The following PCDHAC2 variants were observed in gnomAD, a reference collection of about 807,000 sequenced individuals.
PCDHAC2 encodes the protein protocadherin alpha subfamily C, 2, also known as protocadherin alpha-C2.
A neutral mutation model predicts 63.3 loss-of-function variants in PCDHAC2; 24 were observed. The observed-to-expected ratio is 0.38, with a 90% CI of 0.27 to 0.53. The LOEUF is 0.53. Among genes scored for constraint, PCDHAC2 ranks in the 20% least tolerant of loss-of-function variants. PCDHAC2 has a pLI of 0.81. For missense variants in PCDHAC2, 1,181 were observed against 1,275.2 expected (o/e 0.93, Z 1.12); for synonymous variants, 569 against 529.4 (o/e 1.07, Z -1.03).
chr5:140,987,523 T>C (rs942927324), intron 3 of PCDHAC2, among the ~76,000 whole-genome samples: 1 of 152,174 alleles, frequency 6.6e-6, no homozygotes, highest in Non-Finnish European at 1.5e-5. Context: ...AGTAATTGTA[T>C]GTTCCTGGGA....
chr5:140,990,852 A>T (rs1265916406), intron 3 of PCDHAC2, among the ~76,000 whole-genome samples: 2 of 152,198 alleles, frequency 1.3e-5, no homozygotes, highest in Non-Finnish European at 1.5e-5. Context: ...TAGAGCCCTG[A>T]GGACATTGTA....
intron 3 of PCDHAC2, among the ~76,000 whole-genome samples, chr5:141,000,419 ATATTTTT>A (rs1397100244): frequency 3.9e-4 from 24 of 60,984 alleles, no homozygotes; most frequent in African/African-American, 1.8e-3. Flanking sequence ...ATATATATAT[ATATTTTT>A]TTTTTTTTTT....
intron 3 of PCDHAC2, among the ~76,000 whole-genome samples, chr5:141,009,288 C>G (rs373954362): frequency 6.6e-6 from 1 of 152,068 alleles, no homozygotes; most frequent in African/African-American, 2.4e-5. Flanking sequence ...GATCCCATTT[C>G]TATAAAATTT....
chr5:140,981,744 G>C (rs1586900543), intron 2 of PCDHAC2, among the ~76,000 whole-genome samples: 1 of 151,900 alleles, frequency 6.6e-6, no homozygotes, highest in Admixed American at 6.6e-5. Context: ...ATTAATATGA[G>C]TTAGTATTAG....
intron 3 of PCDHAC2, among the ~76,000 whole-genome samples, chr5:140,989,486 A>G (rs1563557204): frequency 6.6e-6 from 1 of 152,190 alleles, no homozygotes; most frequent in African/African-American, 2.4e-5. Context: ...AGGTGCTTGA[A>G]CAAGAAAGAC....
Position 140,966,644 on chromosome 5 carries a change from G to A in PCDHAC2, c.-123G>A. 1 of 1,127,128 alleles carries A rather than the reference G, an allele frequency of 8.9e-7. No individual in the cohort carries two copies. Among genetic ancestry groups the A allele is most frequent in the Non-Finnish European group, 1.2e-6 (1 of 853,950 alleles). The allele number at this position is 1,127,128 out of a possible 1,614,324, so 69.8% of individuals were successfully genotyped here. On this transcript the variant is annotated 5_prime_UTR_variant, in exon 1 of 4. Transcript: ENST00000289269. The stretch of plus-strand genomic sequence containing the variant: ...GGAGCGGCCCCAGGCGCTTTCTAGA[G>A]CGTGAGCGGTGGGGGAGCAGGCGCA...
intron 1 of PCDHAC2, among the ~76,000 whole-genome samples, chr5:140,970,086 G>T (rs1263388270): frequency 6.6e-6 from 1 of 152,102 alleles, no homozygotes; most frequent in Non-Finnish European, 1.5e-5. Flanking sequence ...TTAGGGGTGT[G>T]GGGGGATGGT....
intron 3 of PCDHAC2, among the ~76,000 whole-genome samples, chr5:141,004,084 T>C (rs2098151963): frequency 6.6e-6 from 1 of 152,234 alleles, no homozygotes; most frequent in Non-Finnish European, 1.5e-5. Context: ...GGTAGAAATG[T>C]GCTTCTTCCG....
At position 140,966,808 on chromosome 5, in the gene PCDHAC2, A is replaced by G. The variant is rs782040625; in HGVS notation, c.42A>G (p.Pro14=). The G allele has an allele frequency of 3.2e-6, 5 of 1,548,024 alleles. No homozygotes were observed. The highest frequency in any genetic ancestry group is 4.3e-6 in the Non-Finnish European group (5 of 1,150,646). The change falls in exon 1 of 4, where the codon CCA becomes CCG. Residue 14 remains proline (P), a synonymous_variant. Transcript: ENST00000289269. ...CCAGACCTGCGGCGACAGAGCATCC[A>G]CGGCTCCGGCGGCCCATGCCCTGGC... ...AGTRPAATEH[P]RLRRPMPWLL... is the part of the protein sequence containing the mutation.
chr5:140,969,166 C>T lies in PCDHAC2; in HGVS notation c.2400C>T (p.Gly800=), dbSNP rs1554231524. ...GCTACAAGGCCTGTCTGACAGCAGG[C>T]TCAGGGAGTGACACTTTCATGTTTT... ...TYCYKACLTA[G]SGSDTFMFYN... is the part of the protein sequence containing the mutation. The change falls in exon 1 of 4, where the codon GGC becomes GGT. Residue 800 remains glycine (G), a synonymous_variant. Transcript: ENST00000289269. 2.5e-6 allele frequency: 4 copies of T among 1,614,092 alleles called. No homozygotes were observed. In the South Asian group the frequency reaches 4.4e-5, roughly 18 times the overall value.
chr5:140,980,877 C>T (rs1321284538), intron 2 of PCDHAC2, among the ~76,000 whole-genome samples: 9 of 152,186 alleles, frequency 5.9e-5, no homozygotes, highest in African/African-American at 1.7e-4. Flanking sequence ...TGGGTGTTCT[C>T]GGTCTTTCCA....
Position 140,968,375 on chromosome 5 carries a change from T to G in PCDHAC2, c.1609T>G (p.Phe537Val). The change falls in exon 1 of 4, where the codon TTT becomes GTT. Residue 537 changes from phenylalanine (F) to valine (V), a missense_variant. Physicochemically the swap from Phe to Val is conservative, Grantham distance 50 (BLOSUM62 -1). Around this residue, in one of 3 missense-constraint regions of PCDHAC2, gnomAD observed 968 missense variants for 1,073.5 expected, o/e 0.90. Coordinates refer to ENST00000289269, the MANE Select transcript of PCDHAC2 (RefSeq NM_018899.6). ...TGGCAGCCTTTATGCTGTCAACTCCTTTGACTATGAGAAGTTTCGGGAGTT... is the reference window on the plus strand; with the variant it reads ...TGGCAGCCTTTATGCTGTCAACTCCGTTGACTATGAGAAGTTTCGGGAGTT... ...ASGSLYAVNS[F>V]DYEKFREFFV... is the part of the protein sequence containing the mutation. The G allele has an allele frequency of 6.2e-7, 1 of 1,614,098 alleles. No homozygotes were observed. The highest frequency in any genetic ancestry group is 8.5e-7 in the Non-Finnish European group (1 of 1,180,022).
intron 1 of PCDHAC2, among the ~76,000 whole-genome samples, chr5:140,969,768 T>G (rs1250957386): frequency 1.3e-5 from 2 of 152,198 alleles, no homozygotes; most frequent in Admixed American, 1.3e-4. Context: ...CTCTGAGGCC[T>G]CTAGGGGCTA....
rs2098331172 is a variant in PCDHAC2, at chr5:141,007,465, G to A, written c.2714-2162G>A. Among the ~76,000 whole-genome samples, 5 of 151,906 alleles carry A rather than the reference G, an allele frequency of 3.3e-5. No individual in the cohort carries two copies. The South Asian group carries it at 1.0e-3, about 32-fold the overall frequency. ...TGCCTGTAGTCCCAGCTACTCAGGA[G>A]GCTGAGGCACGAGAATTACTTGGAC... On this transcript the variant is annotated intron_variant, in intron 3 of 3. Transcript: ENST00000289269.
rs782688503 is a variant in PCDHAC2, at chr5:140,969,010, A to C, written c.2244A>C (p.Val748=). The change falls in exon 1 of 4, where the codon GTA becomes GTC. Residue 748 remains valine (V), a synonymous_variant. Transcript: ENST00000289269. The part of the protein sequence containing the change: ...GTACCGGFCG[V]RERSPAELYK... Reference sequence around the variant, plus strand: ...CATGCTGTGGAGGCTTCTGTGGAGTAAGGGAAAGGTCCCCTGCAGAACTGT... The same window carrying C: ...CATGCTGTGGAGGCTTCTGTGGAGTCAGGGAAAGGTCCCCTGCAGAACTGT... The C allele has an allele frequency of 1.2e-6, 2 of 1,614,168 alleles. No homozygotes were observed. Among genetic ancestry groups the C allele is most frequent in the Admixed American group, 3.3e-5 (2 of 60,018 alleles).
Position 140,967,876 on chromosome 5 carries a change from G to T in PCDHAC2, c.1110G>T (p.Leu370=). 6.2e-7 allele frequency: 1 copy of T among 1,614,144 alleles called. No homozygotes were observed. Among genetic ancestry groups the T allele is most frequent in the Non-Finnish European group, 8.5e-7 (1 of 1,180,032 alleles). ...CCCCAGAGGTGGTGCTCACGGACCTGTATAGCCCAGTGCCTGAGAATGCTA... is the reference window on the plus strand; with the variant it reads ...CCCCAGAGGTGGTGCTCACGGACCTTTATAGCCCAGTGCCTGAGAATGCTA... ...DNAPEVVLTD[L]YSPVPENATP... The change falls in exon 1 of 4, where the codon CTG becomes CTT. Residue 370 remains leucine, a synonymous_variant. Coordinates refer to ENST00000289269, the MANE Select transcript of PCDHAC2 (RefSeq NM_018899.6).
rs552604909 is a variant in PCDHAC2, at chr5:141,005,474, C to T, written c.2714-4153C>T. ...ATCCCAGCACTTTGGGAGGCCGAGACGGGCGGATCATGAGGTCAGGAGATC... is the reference window on the plus strand; with the variant it reads ...ATCCCAGCACTTTGGGAGGCCGAGATGGGCGGATCATGAGGTCAGGAGATC... On this transcript the variant is annotated intron_variant, in intron 3 of 3. Coordinates refer to ENST00000289269, the MANE Select transcript of PCDHAC2 (RefSeq NM_018899.6). 1.6e-3 allele frequency among the ~76,000 whole-genome samples: 236 copies of T among 151,848 alleles called. 1 individual carries two copies. The highest frequency in any genetic ancestry group is 4.9e-3 in the African/African-American group (204 of 41,424).
intron 2 of PCDHAC2, among the ~76,000 whole-genome samples, chr5:140,981,825 T>G (rs941645731): frequency 2.0e-5 from 3 of 152,184 alleles, no homozygotes; most frequent in African/African-American, 7.2e-5. Context: ...TCTGCTTGCC[T>G]CTAAAGGTCT....
At chr5:140,976,688 G>T (rs1343503965) in intron 1 of PCDHAC2, among the ~76,000 whole-genome samples, 2 of 152,118 alleles carry the variant, frequency 1.3e-5, no homozygotes, top group East Asian at 3.8e-4. Context: ...TGCAATTTAA[G>T]TACAATAATG....
Sources: allele counts gnomAD v4.1 joint callset (sites outside exome capture counted in the v4.1 genomes callset), GRCh38; gene constraint gnomAD v4.1.1; regional missense constraint gnomAD v4.1.1; transcripts MANE v1.5; gene names NCBI Gene and HGNC (gene_info 2026-07-23, HGNC 2026-07-21).